Variants in RAPH1 observed in about 807,000 individuals in gnomAD.
The protein encoded by RAPH1 is ras-associated and pleckstrin homology domains-containing protein 1.
RAPH1 carries 18 observed loss-of-function variants against 88.1 expected under a neutral mutation model. The observed-to-expected ratio is 0.20, with a 90% CI of 0.14 to 0.30. The LOEUF is 0.30. Ranked by LOEUF, RAPH1 falls within the 10% of genes least tolerant of loss-of-function variation. The probability of loss-of-function intolerance (pLI) is 1.00; values close to 1 mark genes in which losing one functional copy is unlikely to be tolerated. For missense variants in RAPH1, 1,448 were observed against 1,543.2 expected (o/e 0.94, Z 1.03); for synonymous variants, 587 against 559.0 (o/e 1.05, Z -0.71).
At chr2:203,453,588 A>G (rs1326762141) in intron 10 of RAPH1, among the ~76,000 whole-genome samples, 1 of 150,512 alleles carries the variant, frequency 6.6e-6, no homozygotes, top group East Asian at 1.9e-4. Context: ...TTGCTACTAC[A>G]ATGTACTGAC....
Position 203,441,205 on chromosome 2 carries a change from G to A in RAPH1, c.1985C>T (p.Pro662Leu), listed in dbSNP as rs1184817965. The change falls in exon 14 of 14, where the codon CCA becomes CTA. Residue 662 changes from proline to leucine, a missense_variant. Transcript: ENST00000319170. ...QSAPSAGSAAPMFVKYSTITR... is the reference protein window; with the variant it reads ...QSAPSAGSAALMFVKYSTITR... ...TATTGTGCTGTACTTGACGAACATT[G>A]GGGCTGCTGAGCCTGCAGAAGGTGC... 6.2e-7 allele frequency: 1 copy of A among 1,607,950 alleles called. No individual in the cohort carries two copies. Among genetic ancestry groups the A allele is most frequent in the Admixed American group, 1.7e-5 (1 of 59,658 alleles).
At chr2:203,516,030 G>A (rs529498650) in intron 1 of RAPH1, among the ~76,000 whole-genome samples, 1 of 152,120 alleles carries the variant, frequency 6.6e-6, no homozygotes, top group Non-Finnish European at 1.5e-5. Flanking sequence ...AACAATATAC[G>A]TGATTACGTA....
At chr2:203,485,787 G>A (rs778927476) in intron 4 of RAPH1, among the ~76,000 whole-genome samples, 1 of 152,002 alleles carries the variant, frequency 6.6e-6, no homozygotes, top group African/African-American at 2.4e-5. Flanking sequence ...GAAGGTAAAT[G>A]TGTACTACTG....
At chr2:203,489,559 C>T (rs1688146946) in intron 4 of RAPH1, 25 bp downstream of exon 4, 3 of 1,410,304 alleles carry the variant, frequency 2.1e-6, no homozygotes, top group South Asian at 4.0e-5. Context: ...AACAAAATAC[C>T]AGGGAAAAAG....
intron 4 of RAPH1, among the ~76,000 whole-genome samples, chr2:203,463,829 T>C (rs1324585451): frequency 1.3e-5 from 2 of 152,210 alleles, no homozygotes; most frequent in Non-Finnish European, 2.9e-5. Flanking sequence ...TTTTTCTCTT[T>C]TTAAAACAAG....
intron 10 of RAPH1, among the ~76,000 whole-genome samples, chr2:203,451,994 T>G (rs574469890): frequency 6.6e-6 from 1 of 152,218 alleles, no homozygotes; most frequent in South Asian, 2.1e-4. Context: ...TGGATTTTTC[T>G]GGGTCTACAT....
At chr2:203,446,115 C>T (rs1387093025) in intron 12 of RAPH1, 1 of 152,174 alleles carries the variant, frequency 6.6e-6, no homozygotes, top group Non-Finnish European at 1.5e-5. Flanking sequence ...CCTCATGTGC[C>T]TTTTCTGATC....
intron 1 of RAPH1, among the ~76,000 whole-genome samples, chr2:203,515,968 C>A (rs1167847054): frequency 6.6e-6 from 1 of 152,148 alleles, no homozygotes; most frequent in African/African-American, 2.4e-5. Flanking sequence ...GAAGGTATAA[C>A]TTTTACTCTT....
chr2:203,446,163 T>A (rs995129798), intron 12 of RAPH1: 7 of 152,220 alleles, frequency 4.6e-5, no homozygotes, highest in Non-Finnish European at 1.5e-5. Flanking sequence ...ATGTCTCCTA[T>A]AACGGCTTCT....
chr2:203,521,264 G>C (rs1334648465), intron 1 of RAPH1, among the ~76,000 whole-genome samples: 1 of 152,088 alleles, frequency 6.6e-6, no homozygotes, highest in Non-Finnish European at 1.5e-5. Context: ...ATGTTGGCCA[G>C]GCTGGTCTCG....
rs867301709 is a variant in RAPH1, at chr2:203,506,877, T to G, written c.1-11524A>C. Among the ~76,000 whole-genome samples, 56 of 93,366 alleles carry G rather than the reference T, an allele frequency of 6.0e-4. 4 individuals carry two copies. The highest frequency in any genetic ancestry group is 1.4e-3 in the East Asian group (6 of 4,274). 61.3% of individuals were successfully genotyped at this position (93,366 alleles called of 152,430 possible). On this transcript the variant is annotated intron_variant, in intron 1 of 13. Transcript: ENST00000319170. ...ATATCTATATATATATATATATATATATAGATATATATATATATATATTTT... is the reference window on the plus strand; with the variant it reads ...ATATCTATATATATATATATATATAGATAGATATATATATATATATATTTT...
Position 203,439,324 on chromosome 2 carries a change from A to G in RAPH1, c.*113T>C. 1 of 945,704 alleles carries G rather than the reference A, an allele frequency of 1.1e-6. No individual in the cohort carries two copies. Among genetic ancestry groups the G allele is most frequent in the Non-Finnish European group, 1.6e-6 (1 of 613,920 alleles). The allele number at this position is 945,704 out of a possible 1,614,324, so 58.6% of individuals were successfully genotyped here. ...CACACACATACACATATAGCTGGAC[A>G]CTACCTGAATAACATCATACCAGGA... On this transcript the variant is annotated 3_prime_UTR_variant, in exon 14 of 14. Coordinates refer to ENST00000319170, the MANE Select transcript of RAPH1 (RefSeq NM_213589.3).
In RAPH1 at chr2:203,504,090, G is replaced by A. The variant is rs184462009; in HGVS notation, c.1-8737C>T. On this transcript the variant is annotated intron_variant, in intron 1 of 13. Coordinates refer to ENST00000319170, the MANE Select transcript of RAPH1 (RefSeq NM_213589.3). ...AGGCTTTTCCAAGTGCACAGTGCAA[G>A]CTGTCTGTAGATCTACCATTCTGGG... 3.3e-5 allele frequency among the ~76,000 whole-genome samples: 5 copies of A among 152,300 alleles called. No homozygotes were observed. The East Asian group carries it at 9.6e-4, about 29-fold the overall frequency.
intron 1 of RAPH1, among the ~76,000 whole-genome samples, chr2:203,510,759 A>C (rs1195906301): frequency 2.0e-5 from 3 of 152,170 alleles, no homozygotes; most frequent in African/African-American, 7.2e-5. Context: ...TGAAGGTTGC[A>C]TGACCTTGTG....
intron 1 of RAPH1, among the ~76,000 whole-genome samples, chr2:203,507,770 G>A (rs1476183460): frequency 1.3e-5 from 2 of 152,132 alleles, no homozygotes; most frequent in Non-Finnish European, 2.9e-5. Context: ...CTTAGACCCA[G>A]GGAAAATATC....
rs181145574 is a variant in RAPH1, at chr2:203,458,272, G to A, written c.1093-677C>T. Among the ~76,000 whole-genome samples, 40 of 152,272 alleles carry A rather than the reference G, an allele frequency of 2.6e-4. 1 individual carries two copies. The East Asian group carries it at 6.4e-3, about 24-fold the overall frequency. On this transcript the variant is annotated intron_variant, in intron 7 of 13. Coordinates refer to ENST00000319170, the MANE Select transcript of RAPH1 (RefSeq NM_213589.3). ...TAGTCCCAGCTATGCAGGAGGCTGA[G>A]GTAGGAGAATCGCTTGGAGGCGGAG...
intron 6 of RAPH1, 51 bp from the exon 7 acceptor site, chr2:203,460,079 T>G: frequency 1.3e-6 from 2 of 1,502,742 alleles, no homozygotes; most frequent in Non-Finnish European, 1.8e-6. Context: ...TAGAGTTGCA[T>G]GAAAGACATG....
rs187799116 is a variant in RAPH1, at chr2:203,491,176, G to A, written c.226+38C>T. 67 of 1,383,906 alleles carry A rather than the reference G, an allele frequency of 4.8e-5. No homozygotes were observed. The East Asian group carries it at 1.5e-3, about 31-fold the overall frequency. 85.7% of individuals were successfully genotyped at this position (1,383,906 alleles called of 1,614,324 possible). On this transcript the variant is annotated intron_variant, in intron 3 of 13. Coordinates refer to ENST00000319170, the MANE Select transcript of RAPH1 (RefSeq NM_213589.3). ...TACTGCTCCTACATTGTGTGACTTA[G>A]CATACTATTTTACATTTTATTTCCA...
rs377405072 is a variant in RAPH1, at chr2:203,509,382, T to A, written c.1-14029A>T. On this transcript the variant is annotated intron_variant, in intron 1 of 13. Transcript: ENST00000319170. ...GGCCCTAAAAAAATAAGTAATTTTTTAAAAAGTTCGTTAACATCACAAGTA... is the reference window on the plus strand; with the variant it reads ...GGCCCTAAAAAAATAAGTAATTTTTAAAAAAGTTCGTTAACATCACAAGTA... 7.7e-4 allele frequency among the ~76,000 whole-genome samples: 118 copies of A among 152,260 alleles called. 1 individual carries two copies. The highest frequency in any genetic ancestry group is 3.4e-3 in the Middle Eastern group (1 of 294).
Sources: gnomAD v4.1 joint callset for allele counts (sites outside exome capture counted in the v4.1 genomes callset) on GRCh38, gnomAD v4.1.1 for gene constraint, MANE v1.5 for transcripts, NCBI Gene and HGNC (gene_info 2026-07-23, HGNC 2026-07-21) for gene names.